Variants in DMD observed in about 807,000 individuals in gnomAD.
DMD encodes dystrophin.
A neutral mutation model predicts 330.1 loss-of-function variants in DMD; 63 were observed. The ratio of observed to expected loss-of-function variants is 0.19; its 90% CI spans 0.16 to 0.24. The LOEUF is 0.24. DMD is among the 10% of genes least tolerant of loss of function. The probability of loss-of-function intolerance (pLI) is 1.00; values close to 1 mark genes in which losing one functional copy is unlikely to be tolerated. For missense variants in DMD, 3,344 were observed against 2,684.1 expected (o/e 1.25, Z -5.43); for synonymous variants, 1,223 against 959.8 (o/e 1.27, Z -5.07).
intron 7 of DMD, among the ~76,000 whole-genome samples, chrX:32,729,968 TTAAA>T (rs1198658499): frequency 9.0e-6 from 1 of 111,622 alleles, no homozygotes; most frequent in Non-Finnish European, 1.9e-5. Flanking sequence ...TAAGAGTTGG[TTAAA>T]TATTTATAGC....
In DMD at chrX:31,485,655, G is replaced by C. The variant is rs1334194694; in HGVS notation, c.8548-6552C>G. 2.7e-5 allele frequency among the ~76,000 whole-genome samples: 3 copies of C among 111,759 alleles called. No homozygotes were observed. In the Admixed American group the frequency reaches 2.9e-4, roughly 11 times the overall value. ...GAACAAGAGGAGAACTCTGGGCATA[G>C]GTAATGACATGACAGGGAGAAAAGC... On this transcript the variant is annotated intron_variant, in intron 57 of 78. Coordinates refer to ENST00000357033, the MANE Select transcript of DMD (RefSeq NM_004006.3).
At chrX:31,144,404 C>T (rs967360893) in intron 76 of DMD, among the ~76,000 whole-genome samples, 4 of 111,907 alleles carry the variant, frequency 3.6e-5, no homozygotes, top group African/African-American at 1.3e-4. Context: ...TTCAGCAGCT[C>T]GCTGGGAGGC....
chrX:32,995,792 A>G (rs1014107204), intron 2 of DMD, among the ~76,000 whole-genome samples: 1 of 111,965 alleles, frequency 8.9e-6, no homozygotes, highest in African/African-American at 3.2e-5. Flanking sequence ...TAGTACCCCC[A>G]GAACAATGCT....
chrX:32,554,837 A>G (rs1440159426), intron 16 of DMD, among the ~76,000 whole-genome samples: 3 of 8,947 alleles, frequency 3.4e-4, no homozygotes, highest in Non-Finnish European at 5.7e-4. Context: ...GGAGGGAGAG[A>G]GAGAGAGAGA....
chrX:31,658,265 A>G lies in DMD; in HGVS notation c.7873-121T>C. 1.5e-5 allele frequency: 12 copies of G among 805,833 alleles called. No homozygotes were observed. The South Asian group carries it at 2.7e-4, about 18-fold the overall frequency. 66.4% of individuals were successfully genotyped at this position (805,833 alleles called of 1,213,427 possible). A position where few individuals can be genotyped will look rare whatever the true frequency, so the allele number is the denominator to read the frequency against. On this transcript the variant is annotated intron_variant, in intron 53 of 78. Coordinates refer to ENST00000357033, the MANE Select transcript of DMD (RefSeq NM_004006.3). ...CCTCAGGTCAGAATACATATATTAG[A>G]TTGCTTTTAACCTACCATATGATTT...
chrX:31,169,280 C>CAA (rs72043108), intron 74 of DMD, among the ~76,000 whole-genome samples, 163 bp downstream of exon 74: 2 of 89,233 alleles, frequency 2.2e-5, no homozygotes, highest in Admixed American at 2.4e-4. Context: ...TTTCAGATAA[C>CAA]AAAAAAAAAA....
chrX:33,122,158 G>A (rs1042006710), intron 1 of DMD, among the ~76,000 whole-genome samples: 1 of 112,044 alleles, frequency 8.9e-6, no homozygotes, highest in Non-Finnish European at 1.9e-5. Context: ...CCTGGAGGTG[G>A]AGGTTGCAGG....
chrX:33,055,070 T>C (rs1441542745), intron 1 of DMD, among the ~76,000 whole-genome samples: 1 of 111,833 alleles, frequency 8.9e-6, no homozygotes, highest in Non-Finnish European at 1.9e-5. Context: ...GAAAAATATG[T>C]TGATTGAGCA....
chrX:33,234,681 A>T (rs1253519235), intron 1 of DMD, among the ~76,000 whole-genome samples: 1 of 111,747 alleles, frequency 8.9e-6, no homozygotes, highest in African/African-American at 3.3e-5. Flanking sequence ...GATTATGTAT[A>T]TTGTCTTATA....
intron 33 of DMD, among the ~76,000 whole-genome samples, chrX:32,381,837 C>T (rs1447479701): frequency 9.1e-6 from 1 of 110,405 alleles, no homozygotes; most frequent in Admixed American, 9.7e-5. Flanking sequence ...GGAATCTGAA[C>T]AATAGATATA....
In DMD at chrX:31,256,741, CGTGTGTGTGTGT is replaced by C. The variant is rs35842618; in HGVS notation, c.9286+4202_9286+4213del. Among the ~76,000 whole-genome samples, 5 of 97,968 alleles carry C rather than the reference CGTGTGTGTGTGT, an allele frequency of 5.1e-5. 1 individual carries two copies. The South Asian group carries it at 2.0e-3, about 38-fold the overall frequency. 85.1% of individuals were successfully genotyped at this position (97,968 alleles called of 115,157 possible). A position where few individuals can be genotyped will look rare whatever the true frequency, so the allele number is the denominator to read the frequency against. ...ATAAATTATCTACATATATGTGGGG[CGTGTGTGTGTGT>C]GTGTGTGTGTGTGTGTGTGGCTACT... On this transcript the variant is annotated intron_variant, in intron 63 of 78. Coordinates refer to ENST00000357033, the MANE Select transcript of DMD (RefSeq NM_004006.3).
rs1203952477 is a variant in DMD, at chrX:33,148,947, C to T, written c.31+62335G>A. On this transcript the variant is annotated intron_variant, in intron 1 of 78. Transcript: ENST00000357033. ...CCTTGAATTTGGGTGGGTTCTGTGG[C>T]TGCTCTAATAGAATGCAGTAGAATA... is the stretch of plus-strand genomic sequence containing the variant. Among the ~76,000 whole-genome samples the T allele has an allele frequency of 2.7e-5, 3 of 110,488 alleles. No homozygotes were observed. The Admixed American group carries it at 2.9e-4, about 11-fold the overall frequency.
chrX:33,178,016 G>A (rs1162136511), intron 1 of DMD, among the ~76,000 whole-genome samples: 1 of 112,354 alleles, frequency 8.9e-6, no homozygotes, highest in Non-Finnish European at 1.9e-5. Context: ...TGCATATTTA[G>A]TAACAACCTA....
intron 44 of DMD, among the ~76,000 whole-genome samples, chrX:32,196,755 G>A (rs1210383183): frequency 6.3e-5 from 7 of 110,343 alleles, no homozygotes; most frequent in African/African-American, 2.0e-4. Flanking sequence ...GGAGGCCAAG[G>A]TGGGCAGATC....
intron 55 of DMD, among the ~76,000 whole-genome samples, chrX:31,553,654 C>T (rs1032741540): frequency 7.1e-5 from 8 of 112,160 alleles, no homozygotes; most frequent in Non-Finnish European, 1.3e-4. Context: ...CATATAATCA[C>T]GCCCATGAGA....
At chrX:32,628,812 G>A (rs1043029038) in intron 11 of DMD, among the ~76,000 whole-genome samples, 7 of 111,378 alleles carry the variant, frequency 6.3e-5, no homozygotes, top group African/African-American at 2.3e-4. Context: ...TAATTTCCAT[G>A]TGTCTCTATA....
intron 62 of DMD, among the ~76,000 whole-genome samples, chrX:31,306,998 C>T (rs969745544): frequency 9.0e-5 from 10 of 110,867 alleles, no homozygotes; most frequent in South Asian, 3.9e-4. Context: ...TTCCAGGCCA[C>T]GGCAACTACT....
At chrX:31,713,723 T>C (rs890202241) in intron 52 of DMD, among the ~76,000 whole-genome samples, 11 of 111,690 alleles carry the variant, frequency 9.8e-5, no homozygotes, top group Non-Finnish European at 1.9e-4. Context: ...TTACTTTTTC[T>C]ACCTAATAAT....
At chrX:31,676,200 A>G (rs2082068679) in intron 53 of DMD, among the ~76,000 whole-genome samples, 1 of 112,068 alleles carries the variant, frequency 8.9e-6, no homozygotes, top group Admixed American at 9.5e-5. Context: ...ACTCAGAAAG[A>G]ACTTACGGAG....
Sources: gnomAD v4.1 joint callset for allele counts (sites outside exome capture counted in the v4.1 genomes callset) on GRCh38, gnomAD v4.1.1 for gene constraint, MANE v1.5 for transcripts, NCBI Gene and HGNC (gene_info 2026-07-23, HGNC 2026-07-21) for gene names.